The following ZMIZ1 variants were observed in gnomAD, a reference collection of about 807,000 sequenced individuals.
The protein encoded by ZMIZ1 is zinc finger MIZ domain-containing protein 1.
A neutral mutation model predicts 113.9 loss-of-function variants in ZMIZ1; 17 were observed. The ratio of observed to expected loss-of-function variants is 0.15; its 90% confidence interval spans 0.10 to 0.22. The LOEUF is 0.22. Among genes scored for constraint, ZMIZ1 ranks in the 10% least tolerant of loss-of-function variants. The pLI is 1.00. For missense variants in ZMIZ1, 1,059 were observed against 1,477.8 expected (o/e 0.72, Z 4.65); for synonymous variants, 607 against 603.1 (o/e 1.01, Z -0.09).
At chr10:79,226,778 T>C (rs931257614) in intron 7 of ZMIZ1, among the ~76,000 whole-genome samples, 3 of 152,156 alleles carry the variant, frequency 2.0e-5, no homozygotes, top group African/African-American at 7.2e-5. Flanking sequence ...ACCTTCTGGG[T>C]TAGACAGACA....
At chr10:79,205,401 T>C (rs542895421) in intron 5 of ZMIZ1, among the ~76,000 whole-genome samples, 1 of 152,200 alleles carries the variant, frequency 6.6e-6, no homozygotes, top group African/African-American at 2.4e-5. Context: ...AGTTAACTGC[T>C]CCCCAATCAT....
chr10:79,198,967 GA>G, intron 4 of ZMIZ1, among the ~76,000 whole-genome samples: 1 of 151,928 alleles, frequency 6.6e-6, no homozygotes, highest in Non-Finnish European at 1.5e-5. Context: ...CTGGGAGGCG[GA>G]GGCTGCAGTG....
intron 3 of ZMIZ1, among the ~76,000 whole-genome samples, chr10:79,144,267 C>T (rs1057168966): frequency 1.7e-4 from 26 of 152,312 alleles, no homozygotes; most frequent in Admixed American, 1.7e-3. Context: ...GAGGAAAATT[C>T]TTGCATGATG....
intron 3 of ZMIZ1, among the ~76,000 whole-genome samples, chr10:79,160,794 G>A (rs1846084354): frequency 1.3e-5 from 2 of 152,244 alleles, no homozygotes; most frequent in South Asian, 4.1e-4. Flanking sequence ...ACGTGATGTG[G>A]GCACCACCTC....
chr10:79,307,225 C>T (rs1250555), intron 22 of ZMIZ1, among the ~76,000 whole-genome samples, 180 bp from the exon 23 acceptor site: 58,469 of 151,990 alleles, frequency 0.38, 12,035 homozygotes, highest in South Asian at 0.47. Context: ...CCACAGACCA[C>T]GGGACAGGGC....
At chr10:79,079,500 C>T (rs971815610) in intron 1 of ZMIZ1, among the ~76,000 whole-genome samples, 2 of 152,230 alleles carry the variant, frequency 1.3e-5, no homozygotes, top group South Asian at 2.1e-4. Flanking sequence ...CCACCTCAGT[C>T]GTGTGACTCT....
chr10:79,226,124 C>T (rs992563691), intron 7 of ZMIZ1, among the ~76,000 whole-genome samples: 1 of 152,146 alleles, frequency 6.6e-6, no homozygotes, highest in African/African-American at 2.4e-5. Context: ...TGGCAGTAAC[C>T]GTGCAGGGCC....
chr10:79,071,092 T>C (rs1399486306), intron 1 of ZMIZ1, among the ~76,000 whole-genome samples: 1 of 152,010 alleles, frequency 6.6e-6, no homozygotes, highest in Non-Finnish European at 1.5e-5. Context: ...GCCCAGGGCA[T>C]GGGAGAGTAG....
chr10:79,098,174 G>C (rs1208384624), intron 1 of ZMIZ1, among the ~76,000 whole-genome samples: 1 of 152,074 alleles, frequency 6.6e-6, no homozygotes, highest in Non-Finnish European at 1.5e-5. Context: ...GTCTTGCCAG[G>C]TAGACTAGGA....
chr10:79,247,589 G>T (rs749525663), intron 7 of ZMIZ1, among the ~76,000 whole-genome samples: 2 of 152,208 alleles, frequency 1.3e-5, no homozygotes, highest in Admixed American at 1.3e-4. Flanking sequence ...TCTCTAAGCC[G>T]CAGAGACCCT....
chr10:79,301,993 AG>A, intron 17 of ZMIZ1, 113 bp from the exon 18 acceptor site: 1 of 978,554 alleles, frequency 1.0e-6, no homozygotes, highest in Non-Finnish European at 1.6e-6. Context: ...ACCCTGGGGG[AG>A]CCTCCTGGGC....
chr10:79,193,417 A>T (rs547740250), intron 4 of ZMIZ1, among the ~76,000 whole-genome samples: 1 of 152,334 alleles, frequency 6.6e-6, no homozygotes, highest in South Asian at 2.1e-4. Context: ...TCAACGGGGT[A>T]ACCAGTGTCT....
chr10:79,185,236 G>A lies in ZMIZ1; in HGVS notation c.-49-16348G>A, dbSNP rs1483569692. 4.6e-5 allele frequency among the ~76,000 whole-genome samples: 7 copies of A among 151,960 alleles called. No homozygotes were observed. The South Asian group carries it at 1.0e-3, about 23-fold the overall frequency. ...ACCACAGCACTTTAGCTGTTAAGAC[G>A]CCCCCCTCCCCCCGAAATGAGTTCC... On this transcript the variant is annotated intron_variant, in intron 4 of 24. Coordinates refer to ENST00000334512, the MANE Select transcript of ZMIZ1 (RefSeq NM_020338.4).
intron 1 of ZMIZ1, among the ~76,000 whole-genome samples, chr10:79,085,094 C>T (rs1842766695): frequency 6.6e-6 from 1 of 152,164 alleles, no homozygotes. Context: ...GGCCACAGGT[C>T]CTGTGGTGGC....
chr10:79,261,361 AG>A (rs758618476), intron 7 of ZMIZ1, among the ~76,000 whole-genome samples: 1 of 152,202 alleles, frequency 6.6e-6, no homozygotes, highest in Non-Finnish European at 1.5e-5. Flanking sequence ...CAGAGGCAGA[AG>A]GCAGAGAGCT....
intron 9 of ZMIZ1, among the ~76,000 whole-genome samples, chr10:79,290,337 C>A (rs1225656146): frequency 2.0e-5 from 3 of 152,206 alleles, no homozygotes; most frequent in Non-Finnish European, 4.4e-5. Context: ...CCTCTCATTC[C>A]TTCCTCTCTC....
In ZMIZ1 at chr10:79,296,204, G is replaced by A. The variant is rs1358959709; in HGVS notation, c.1231-267G>A. On this transcript the variant is annotated intron_variant, in intron 12 of 24. Transcript: ENST00000334512. This position sits in a 1 kb window ranked among gnomAD's most constrained non-coding sequence, Gnocchi z 4.1. ...CCCCTCATAATGGTGTGAGCAAGAGGCTCTGAAAGTGTCCCTGGAGTTCAG... is the reference window on the plus strand; with the variant it reads ...CCCCTCATAATGGTGTGAGCAAGAGACTCTGAAAGTGTCCCTGGAGTTCAG... The A allele has an allele frequency of 1.9e-6, 1 of 537,690 alleles. No individual in the cohort carries two copies. Among genetic ancestry groups the A allele is most frequent in the Non-Finnish European group, 3.3e-6 (1 of 300,186 alleles). 33.3% of individuals were successfully genotyped at this position (537,690 alleles called of 1,614,324 possible).
intron 7 of ZMIZ1, among the ~76,000 whole-genome samples, chr10:79,249,893 C>A (rs1385938704): frequency 1.3e-5 from 2 of 152,160 alleles, no homozygotes; most frequent in African/African-American, 2.4e-5. Context: ...CCTTCCCAAG[C>A]CAGTGTCAGA....
intron 7 of ZMIZ1, among the ~76,000 whole-genome samples, chr10:79,255,907 A>T (rs1197277611): frequency 6.6e-6 from 1 of 152,234 alleles, no homozygotes; most frequent in Non-Finnish European, 1.5e-5. Context: ...GCCGCATTGT[A>T]AATCGGAAGA....
Sources: allele counts gnomAD v4.1 joint callset (sites outside exome capture counted in the v4.1 genomes callset), GRCh38; gene constraint gnomAD v4.1.1; non-coding constraint Gnocchi (gnomAD v3.1); transcripts MANE v1.5; gene names NCBI Gene and HGNC (gene_info 2026-07-23, HGNC 2026-07-21).